Variants in HSDL2 observed in about 807,000 individuals in gnomAD.
HSDL2 encodes the protein hydroxysteroid dehydrogenase like 2, also known as hydroxysteroid dehydrogenase-like protein 2.
Under a neutral mutation model 46.3 loss-of-function variants are expected in HSDL2, and 27 were observed. That is an observed-to-expected ratio of 0.58 (90% confidence interval 0.43 to 0.80). The LOEUF (loss-of-function observed/expected upper bound fraction) is 0.80. Among genes scored for constraint, HSDL2 ranks in the 30% least tolerant of loss-of-function variants. The pLI is 0.00. For synonymous variants in HSDL2, 153 were observed against 163.6 expected (o/e 0.94, Z 0.50); for missense variants, 451 against 502.7 (o/e 0.90, Z 0.98).
chr9:112,443,411 T>C (rs1362152229), intron 8 of HSDL2, among the ~76,000 whole-genome samples: 1 of 152,178 alleles, frequency 6.6e-6, no homozygotes, highest in Non-Finnish European at 1.5e-5. Context: ...AGCCAGCAGG[T>C]GGCAGAACCA....
chr9:112,451,758 T>G (rs1832889628), intron 8 of HSDL2, among the ~76,000 whole-genome samples: 1 of 152,128 alleles, frequency 6.6e-6, no homozygotes, highest in African/African-American at 2.4e-5. Context: ...TTTTTTTTTT[T>G]GGAAGAGATT....
chr9:112,466,951 T>A (rs1833410231), intron 10 of HSDL2, among the ~76,000 whole-genome samples: 1 of 152,244 alleles, frequency 6.6e-6, no homozygotes, highest in Non-Finnish European at 1.5e-5. Flanking sequence ...TTAAATGGTC[T>A]TGGCACCCTT....
chr9:112,449,003 A>C (rs1336957513), intron 8 of HSDL2, among the ~76,000 whole-genome samples: 1 of 12,918 alleles, frequency 7.7e-5, no homozygotes, highest in African/African-American at 6.7e-4. Flanking sequence ...GAAGTTTCAA[A>C]ACCTGTTTGA....
chr9:112,464,280 G>T (rs10817348), intron 10 of HSDL2, among the ~76,000 whole-genome samples: 145,370 of 152,172 alleles, frequency 0.96, 69,498 homozygotes, highest in African/African-American at 0.98. Context: ...GTTGTCTTTT[G>T]AATATTGTCA....
At chr9:112,408,817 G>T (rs1184609125) in intron 3 of HSDL2, 90 bp from the exon 4 acceptor site, 2 of 641,808 alleles carry the variant, frequency 3.1e-6, no homozygotes, top group East Asian at 5.7e-5. Context: ...CTGTATTTGT[G>T]AATCAACTGA....
intron 8 of HSDL2, among the ~76,000 whole-genome samples, chr9:112,449,789 T>C (rs371510056): frequency 4.0e-5 from 6 of 151,804 alleles, no homozygotes; most frequent in African/African-American, 1.5e-4. Context: ...GCCAAAATCA[T>C]GTCACTGCAC....
At chr9:112,419,439 C>T (rs1832070031) in intron 6 of HSDL2, among the ~76,000 whole-genome samples, 1 of 152,196 alleles carries the variant, frequency 6.6e-6, no homozygotes, top group Non-Finnish European at 1.5e-5. Context: ...TTTCAATCAT[C>T]TTCCTGCCTT....
chr9:112,461,585 T>C (rs1833211754), intron 10 of HSDL2, among the ~76,000 whole-genome samples: 2 of 152,252 alleles, frequency 1.3e-5, no homozygotes, highest in African/African-American at 2.4e-5. Flanking sequence ...ACAGTAATTA[T>C]GTATGATTTA....
intron 6 of HSDL2, among the ~76,000 whole-genome samples, chr9:112,431,075 T>A (rs745986171): frequency 0.03 from 4,261 of 141,708 alleles, 85 homozygotes; most frequent in Non-Finnish European, 0.042. Context: ...AAAAAAAATT[T>A]AAAAAAAATA....
At chr9:112,463,991 G>C (rs1833297851) in intron 10 of HSDL2, among the ~76,000 whole-genome samples, 1 of 151,984 alleles carries the variant, frequency 6.6e-6, no homozygotes, top group Non-Finnish European at 1.5e-5. Flanking sequence ...TTTTCTTACT[G>C]ATAATGATTT....
intron 1 of HSDL2, among the ~76,000 whole-genome samples, chr9:112,396,843 C>T (rs1337729594): frequency 1.3e-5 from 2 of 152,142 alleles, no homozygotes; most frequent in African/African-American, 2.4e-5. Flanking sequence ...GAGGCTGGGA[C>T]CTACCTGAGT....
In HSDL2 at chr9:112,452,597, A is replaced by T. The variant is rs189032360; in HGVS notation, c.866-1416A>T. 6.1e-4 allele frequency among the ~76,000 whole-genome samples: 93 copies of T among 152,294 alleles called. 1 individual carries two copies. The highest frequency in any genetic ancestry group is 2.2e-3 in the African/African-American group (93 of 41,550). On this transcript the variant is annotated intron_variant, in intron 8 of 10. Coordinates refer to ENST00000398805, the MANE Select transcript of HSDL2 (RefSeq NM_032303.5). ...CCCTGTCTCTACTAAAAATTCAAAA[A>T]TTAGCCGGGCACGGTGGTGGGCACC... is the stretch of plus-strand genomic sequence containing the variant.
intron 1 of HSDL2, among the ~76,000 whole-genome samples, chr9:112,387,230 T>G (rs1831236988): frequency 6.6e-6 from 1 of 151,940 alleles, no homozygotes; most frequent in Admixed American, 6.6e-5. Context: ...TTTCTTTTTT[T>G]TTTTTTTGAA....
intron 10 of HSDL2, among the ~76,000 whole-genome samples, chr9:112,467,988 T>G (rs1384978547): frequency 6.6e-6 from 1 of 152,038 alleles, no homozygotes; most frequent in Non-Finnish European, 1.5e-5. Flanking sequence ...TGAGAAAGGA[T>G]ACATTAGAGA....
At chr9:112,462,458 G>T (rs1240185491) in intron 10 of HSDL2, among the ~76,000 whole-genome samples, 3 of 24,778 alleles carry the variant, frequency 1.2e-4, no homozygotes, top group South Asian at 4.6e-3. Context: ...CTGAGACCCT[G>T]TCTCAAAAAA....
At chr9:112,446,256 G>A (rs1395834980) in intron 8 of HSDL2, among the ~76,000 whole-genome samples, 2 of 152,016 alleles carry the variant, frequency 1.3e-5, no homozygotes, top group East Asian at 3.9e-4. Flanking sequence ...TTTCAGATGT[G>A]GCACCTGTTG....
intron 1 of HSDL2, among the ~76,000 whole-genome samples, chr9:112,383,117 A>G (rs1038333677): frequency 2.0e-5 from 3 of 151,812 alleles, no homozygotes; most frequent in African/African-American, 7.3e-5. Context: ...TCTGTTGCCC[A>G]GGCTTGAGTG....
At chr9:112,427,645 T>A (rs983082900) in intron 6 of HSDL2, among the ~76,000 whole-genome samples, 2 of 152,264 alleles carry the variant, frequency 1.3e-5, no homozygotes, top group Non-Finnish European at 2.9e-5. Flanking sequence ...TACACTCATT[T>A]TTTTTCTTGC....
intron 10 of HSDL2, 51 bp from the exon 11 acceptor site, chr9:112,470,381 T>TC (rs1306426676): frequency 9.3e-7 from 1 of 1,079,080 alleles, no homozygotes; most frequent in East Asian, 2.4e-5. Context: ...AAGCAATATA[T>TC]CCCTAAGGGC....
Sources: allele counts gnomAD v4.1 joint callset (sites outside exome capture counted in the v4.1 genomes callset), GRCh38; gene constraint gnomAD v4.1.1; transcripts MANE v1.5; gene names NCBI Gene and HGNC (gene_info 2026-07-23, HGNC 2026-07-21).